The following POTEH variants were observed in gnomAD, a reference collection of about 807,000 sequenced individuals.
POTEH encodes the protein ANKRD26-like family C member 3.
POTEH carries 6 observed loss-of-function variants against 41.7 expected under a neutral mutation model. The observed-to-expected ratio is 0.14, with a 90% CI of 0.08 to 0.28. The LOEUF (loss-of-function observed/expected upper bound fraction) is 0.28, where lower values mean the gene tolerates loss of function less well. Among genes scored for constraint, POTEH ranks in the 10% least tolerant of loss-of-function variants. The probability of loss-of-function intolerance (pLI) is 1.00; values close to 1 mark genes in which losing one functional copy is unlikely to be tolerated. For missense variants in POTEH, 115 were observed against 533.5 expected (o/e 0.22, Z 7.73); for synonymous variants, 38 against 179.9 (o/e 0.21, Z 6.31).
chr22:15,713,416 C>T (rs1184575631), intron 9 of POTEH, among the ~76,000 whole-genome samples: 7 of 152,362 alleles, frequency 4.6e-5, no homozygotes, highest in African/African-American at 7.2e-5. Context: ...CCATTCATCA[C>T]GGTCTGTTTT....
chr22:15,720,055 C>CT (rs1989994361), intron 10 of POTEH, among the ~76,000 whole-genome samples: 1 of 42,058 alleles, frequency 2.4e-5, no homozygotes, highest in Non-Finnish European at 4.4e-5. Flanking sequence ...CATATCAAAA[C>CT]TAAGTTTTGC....
At position 15,696,761 on chromosome 22, in the gene POTEH, G is replaced by T. The variant is rs543760563; in HGVS notation, c.921+943G>T. On this transcript the variant is annotated intron_variant, in intron 3 of 10. Coordinates refer to ENST00000343518, the MANE Select transcript of POTEH (RefSeq NM_001136213.1). The stretch of plus-strand genomic sequence containing the variant: ...GATTTTGAGTTGACTAGATACTGTT[G>T]TGTTACCGGGAAAAATTATGTGGTG... Among the ~76,000 whole-genome samples the T allele has an allele frequency of 5.1e-5, 5 of 97,840 alleles. 2 individuals are homozygous for T. In the South Asian group the frequency reaches 2.2e-3, roughly 43 times the overall value. 64.2% of individuals were successfully genotyped at this position (97,840 alleles called of 152,430 possible).
Position 15,692,022 on chromosome 22 carries a change from T to C in POTEH, c.632+1313T>C, listed in dbSNP as rs1377822417. ...TATATATATATAAATTTCTTTTTTT[T>C]TTTGATGGAGTCTCACTCTGTTGCC... On this transcript the variant is annotated intron_variant, in intron 1 of 10. Coordinates refer to ENST00000343518, the MANE Select transcript of POTEH (RefSeq NM_001136213.1). 3.7e-5 allele frequency among the ~76,000 whole-genome samples: 5 copies of C among 133,762 alleles called. 1 individual carries two copies. The highest frequency in any genetic ancestry group is 1.5e-4 in the Admixed American group (2 of 13,116). The allele number at this position is 133,762 out of a possible 152,430, so 87.8% of individuals were successfully genotyped here. A position where few individuals can be genotyped will look rare whatever the true frequency, so the allele number is the denominator to read the frequency against.
intron 9 of POTEH, among the ~76,000 whole-genome samples, chr22:15,717,463 T>A: frequency 1.1e-5 from 1 of 94,564 alleles, no homozygotes; most frequent in Non-Finnish European, 2.4e-5. Flanking sequence ...ACATCTGTTT[T>A]TTTTTGTTTT....
At position 15,696,801 on chromosome 22, in the gene POTEH, G is replaced by A. The variant is rs969410667; in HGVS notation, c.921+983G>A. 3.4e-4 allele frequency among the ~76,000 whole-genome samples: 44 copies of A among 127,924 alleles called. 4 individuals are homozygous for A. The highest frequency in any genetic ancestry group is 1.2e-3 in the African/African-American group (43 of 35,606). The allele number at this position is 127,924 out of a possible 152,430, so 83.9% of individuals were successfully genotyped here. ...ATTATGTGGTGTTTTCAGCAAATGG[G>A]TCTCTCTCCTACTCTTTACTCTTTT... On this transcript the variant is annotated intron_variant, in intron 3 of 10. Coordinates refer to ENST00000343518, the MANE Select transcript of POTEH (RefSeq NM_001136213.1).
chr22:15,713,552 T>G (rs1989864660), intron 9 of POTEH, among the ~76,000 whole-genome samples: 1 of 152,294 alleles, frequency 6.6e-6, no homozygotes, highest in Non-Finnish European at 1.5e-5. Flanking sequence ...TAGGCTGGTG[T>G]TCATTGGCAC....
At chr22:15,712,950 G>C (rs1211814354) in intron 9 of POTEH, among the ~76,000 whole-genome samples, 2 of 149,938 alleles carry the variant, frequency 1.3e-5, no homozygotes, top group Admixed American at 6.6e-5. Context: ...CCTTGGTCTG[G>C]CATTTAATGC....
At chr22:15,691,844 G>A (rs1989320356) in intron 1 of POTEH, among the ~76,000 whole-genome samples, 1 of 149,014 alleles carries the variant, frequency 6.7e-6, no homozygotes, top group Admixed American at 6.9e-5. Flanking sequence ...TAAAAAAGAT[G>A]GATTGTTCAT....
chr22:15,720,458 TCTTA>T (rs1294882142), intron 10 of POTEH, among the ~76,000 whole-genome samples: 1 of 45,298 alleles, frequency 2.2e-5, no homozygotes, highest in Non-Finnish European at 3.8e-5. Flanking sequence ...ATAAGTTGCA[TCTTA>T]CTTACCATTC....
At chr22:15,705,426 T>A (rs1229319750) in intron 6 of POTEH, among the ~76,000 whole-genome samples, 1 of 151,650 alleles carries the variant, frequency 6.6e-6, no homozygotes, top group Non-Finnish European at 1.5e-5. Context: ...CCGTAAGAAA[T>A]AACATTAATT....
At chr22:15,713,612 G>A (rs1366093275) in intron 9 of POTEH, among the ~76,000 whole-genome samples, 6 of 152,258 alleles carry the variant, frequency 3.9e-5, no homozygotes, top group African/African-American at 1.2e-4. Context: ...CGCTTCTCCT[G>A]CCTCAGCCTC....
At chr22:15,690,822 C>A in intron 1 of POTEH, 113 bp downstream of exon 1, 1 of 1,318,176 alleles carries the variant, frequency 7.6e-7, no homozygotes. Context: ...CCTCACACCA[C>A]CCTGGATGTG....
intron 9 of POTEH, among the ~76,000 whole-genome samples, chr22:15,712,705 A>G (rs1408278001): frequency 2.1e-5 from 2 of 93,262 alleles, no homozygotes; most frequent in Non-Finnish European, 4.0e-5. Flanking sequence ...ATAAAATAAG[A>G]TTATTTTCTG....
chr22:15,713,157 A>G (rs1601503339), intron 9 of POTEH, among the ~76,000 whole-genome samples: 1 of 152,348 alleles, frequency 6.6e-6, no homozygotes, highest in African/African-American at 2.4e-5. Context: ...CACGAACTCA[A>G]ATTTTCTTTC....
At chr22:15,691,985 C>CATATATATATAT (rs142856307) in intron 1 of POTEH, among the ~76,000 whole-genome samples, 39 of 124,468 alleles carry the variant, frequency 3.1e-4, no homozygotes, top group South Asian at 1.5e-3. Context: ...TATGCAGATA[C>CATATATATATAT]ATATATATAT....
At chr22:15,710,137 C>T (rs1262621762) in intron 8 of POTEH, among the ~76,000 whole-genome samples, 4 of 150,732 alleles carry the variant, frequency 2.7e-5, no homozygotes, top group Admixed American at 2.0e-4. Flanking sequence ...GAAAATGTGG[C>T]TAAAGTAGAT....
chr22:15,714,749 GAA>G (rs1569289585), intron 9 of POTEH, among the ~76,000 whole-genome samples: 1 of 142,232 alleles, frequency 7.0e-6, no homozygotes, highest in Non-Finnish European at 1.5e-5. Context: ...TGAAGAAAAA[GAA>G]AAAGAGATAA....
chr22:15,716,442 AGTCATATT>A lies in POTEH; in HGVS notation c.1521-3206_1521-3199del, dbSNP rs966481228. Among the ~76,000 whole-genome samples, 6 of 55,706 alleles carry A rather than the reference AGTCATATT, an allele frequency of 1.1e-4. 1 individual carries two copies. The highest frequency in any genetic ancestry group is 3.4e-4 in the African/African-American group (6 of 17,756). 36.5% of individuals were successfully genotyped at this position (55,706 alleles called of 152,430 possible). Reference sequence around the variant, plus strand: ...CTGTCAGTTCATGTATGTGTATGATAGTCATATTGTCATATTGTCTTTTTAAATTCCTT... The same window carrying A: ...CTGTCAGTTCATGTATGTGTATGATAGTCATATTGTCTTTTTAAATTCCTT... On this transcript the variant is annotated intron_variant, in intron 9 of 10. Coordinates refer to ENST00000343518, the MANE Select transcript of POTEH (RefSeq NM_001136213.1).
At chr22:15,692,005 T>A (rs775184969) in intron 1 of POTEH, among the ~76,000 whole-genome samples, 1,030 of 88,918 alleles carry the variant, frequency 0.012, 11 homozygotes, top group African/African-American at 0.034. Flanking sequence ...TATATATATA[T>A]ATAAATTTCT....
Sources: allele counts gnomAD v4.1 joint callset (sites outside exome capture counted in the v4.1 genomes callset), GRCh38; gene constraint gnomAD v4.1.1; transcripts MANE v1.5; gene names NCBI Gene and HGNC (gene_info 2026-07-23, HGNC 2026-07-21).